SLCO4C1: variants seen among roughly 807,000 people sequenced by gnomAD.
The protein encoded by SLCO4C1 is solute carrier organic anion transporter family member 4C1, also known as organic anion transporter M1.
A neutral mutation model predicts 72.1 loss-of-function variants in SLCO4C1; 58 were observed. The observed-to-expected ratio is 0.80, with a 90% CI of 0.65 to 1.00. The LOEUF is 1.00. Among genes scored for constraint, SLCO4C1 ranks in the 50% least tolerant of loss-of-function variants. The pLI, the probability that SLCO4C1 is intolerant of heterozygous loss-of-function variation, is 0.00. For synonymous variants in SLCO4C1, 297 were observed against 312.5 expected, an observed-to-expected ratio of 0.95 and a Z score of 0.52; for missense variants, 898 against 857.9, an observed-to-expected ratio of 1.05 and a Z score of -0.58.
intron 2 of SLCO4C1, 81 bp downstream of exon 2, chr5:102,291,262 G>A: frequency 1.4e-6 from 2 of 1,425,494 alleles, no homozygotes; most frequent in Admixed American, 2.0e-5. Flanking sequence ...TACTGTGTAA[G>A]TGAATTGCAA....
chr5:102,262,299 T>G (rs1421022690), intron 4 of SLCO4C1, among the ~76,000 whole-genome samples: 1 of 152,198 alleles, frequency 6.6e-6, no homozygotes, highest in Non-Finnish European at 1.5e-5. Context: ...GACAAATATT[T>G]GAAAAGATAT....
chr5:102,236,718 A>G lies in SLCO4C1; in HGVS notation c.*140T>C. The G allele has an allele frequency of 9.9e-7, 1 of 1,007,216 alleles. No individual in the cohort carries two copies. Among genetic ancestry groups the G allele is most frequent in the Non-Finnish European group, 1.4e-6 (1 of 698,166 alleles). 62.4% of individuals were successfully genotyped at this position (1,007,216 alleles called of 1,614,324 possible). A position where few individuals can be genotyped will look rare whatever the true frequency, so the allele number is the denominator to read the frequency against. ...CATAAAACAAAAACTACATAAGTAA[A>G]AAAATACATTTGATTATAAAAACAT... On this transcript the variant is annotated 3_prime_UTR_variant, in exon 13 of 13. Coordinates refer to ENST00000310954, the MANE Select transcript of SLCO4C1 (RefSeq NM_180991.5).
At chr5:102,238,200 C>G (rs1748474263) in intron 12 of SLCO4C1, among the ~76,000 whole-genome samples, 1 of 152,016 alleles carries the variant, frequency 6.6e-6, no homozygotes, top group African/African-American at 2.4e-5. Context: ...GGGGGATTCC[C>G]ATTCATCATT....
chr5:102,281,209 C>A (rs1749350277), intron 2 of SLCO4C1, among the ~76,000 whole-genome samples: 1 of 152,100 alleles, frequency 6.6e-6, no homozygotes, highest in Admixed American at 6.6e-5. Flanking sequence ...GGTTGAAGGA[C>A]AGACTTTTCA....
Position 102,234,119 on chromosome 5 carries a change from A to T in SLCO4C1, c.*2739T>A, listed in dbSNP as rs1176580944. ...ATTTACATAGTAAAGTCAACTGCAT[A>T]CAGTTCTTTCCATGTGTAAGTTTTA... On this transcript the variant is annotated 3_prime_UTR_variant, in exon 13 of 13. Coordinates refer to ENST00000310954, the MANE Select transcript of SLCO4C1 (RefSeq NM_180991.5). 3 of 152,426 alleles carry T rather than the reference A, an allele frequency of 2.0e-5. No individual in the cohort carries two copies. Among genetic ancestry groups the T allele is most frequent in the African/African-American group, 7.2e-5 (3 of 41,476 alleles). The allele number at this position is 152,426 out of a possible 1,614,324, so 9.4% of individuals were successfully genotyped here.
intron 7 of SLCO4C1, 97 bp from the exon 8 acceptor site, chr5:102,257,407 T>C (rs1386532525): frequency 1.1e-6 from 1 of 945,668 alleles, no homozygotes; most frequent in Non-Finnish European, 1.5e-6. Context: ...TCAATATGGT[T>C]TTAACTTATA....
At chr5:102,253,285 C>G (rs1748775151) in intron 8 of SLCO4C1, among the ~76,000 whole-genome samples, 1 of 152,116 alleles carries the variant, frequency 6.6e-6, no homozygotes, top group African/African-American at 2.4e-5. Context: ...TTCATGCAAT[C>G]GAATTTAGTA....
chr5:102,287,786 C>G (rs1222083541), intron 2 of SLCO4C1, among the ~76,000 whole-genome samples: 1 of 151,912 alleles, frequency 6.6e-6, no homozygotes, highest in East Asian at 1.9e-4. Context: ...GAACTCCTGA[C>G]CTTGTGATCC....
In SLCO4C1 at chr5:102,240,718, C is replaced by T. The variant is rs1748523812; in HGVS notation, c.1876G>A (p.Gly626Arg). ...GIQFMVLRLL[G>R]TIPGPIIFGF... ...CAATGAATAAAGAAAAATGGCATAC[C>T]TAATAATCGAAGGACCATAAATTGT... The change falls in exon 11 of 13, where the codon GGG becomes AGG. Residue 626 changes from glycine to arginine, a missense_variant and splice_region_variant. By Grantham distance (125) the Gly-to-Arg change is moderately radical. Coordinates refer to ENST00000310954, the MANE Select transcript of SLCO4C1 (RefSeq NM_180991.5). The T allele has an allele frequency of 1.2e-6, 2 of 1,608,930 alleles. No individual in the cohort carries two copies. Among genetic ancestry groups the T allele is most frequent in the Non-Finnish European group, 1.7e-6 (2 of 1,176,850 alleles).
chr5:102,244,594 T>C (rs1312713543), intron 10 of SLCO4C1, among the ~76,000 whole-genome samples: 1 of 152,104 alleles, frequency 6.6e-6, no homozygotes. Flanking sequence ...AGGCATTTAA[T>C]AATCAAACTC....
chr5:102,257,174 T>C lies in SLCO4C1; in HGVS notation c.1410A>G (p.Val470=). ...CATTTTCACATTTGGCATACATAAA[T>C]ACAAAACTCAGCGTAAGTGCAACTC... ...TSGVALTLSF[V]FMYAKCENEP... The change falls in exon 8 of 13, where the codon GTA becomes GTG. Residue 470 remains valine, a synonymous_variant. Coordinates refer to ENST00000310954, the MANE Select transcript of SLCO4C1 (RefSeq NM_180991.5). 1 of 1,607,622 alleles carries C rather than the reference T, an allele frequency of 6.2e-7. No homozygotes were observed. The highest frequency in any genetic ancestry group is 8.5e-7 in the Non-Finnish European group (1 of 1,177,498).
intron 10 of SLCO4C1, among the ~76,000 whole-genome samples, chr5:102,242,481 T>C (rs4640763): frequency 0.068 from 10,359 of 152,170 alleles, 770 homozygotes; most frequent in African/African-American, 0.18. Context: ...GGGGAGGATT[T>C]TGTCTTGCAT....
intron 2 of SLCO4C1, among the ~76,000 whole-genome samples, chr5:102,285,272 CAT>C (rs1300827998): frequency 2.9e-4 from 44 of 151,164 alleles, no homozygotes; most frequent in Admixed American, 3.9e-4. Flanking sequence ...CACACACACA[CAT>C]ATATATTTTT....
At chr5:102,248,400 A>G (rs1266168729) in intron 9 of SLCO4C1, among the ~76,000 whole-genome samples, 1 of 152,174 alleles carries the variant, frequency 6.6e-6, no homozygotes, top group African/African-American at 2.4e-5. Flanking sequence ...AAAAAATTCT[A>G]GAAGACAACT....
intron 2 of SLCO4C1, among the ~76,000 whole-genome samples, chr5:102,286,852 G>T (rs575738782): frequency 1.3e-5 from 2 of 151,990 alleles, no homozygotes; most frequent in East Asian, 3.9e-4. Flanking sequence ...TGTTCTTAAC[G>T]TTCTTTTGTG....
chr5:102,237,066 T>C, intron 12 of SLCO4C1, 48 bp from the exon 13 acceptor site: 1 of 1,499,196 alleles, frequency 6.7e-7, no homozygotes, highest in East Asian at 2.4e-5. Flanking sequence ...TTAATTATGA[T>C]AAAAATTATC....
In SLCO4C1 at chr5:102,236,914, C is replaced by T. The variant is rs1748446513; in HGVS notation, c.2119G>A (p.Val707Ile). 2 of 1,612,850 alleles carry T rather than the reference C, an allele frequency of 1.2e-6. No individual in the cohort carries two copies. Among genetic ancestry groups the T allele is most frequent in the South Asian group, 2.2e-5 (2 of 90,916 alleles). The change falls in exon 13 of 13, where the codon GTT (valine) becomes ATT (isoleucine). Residue 707 changes from valine to isoleucine, a missense_variant. Val to Ile is a conservative substitution (Grantham distance 29). Transcript: ENST00000310954. ...TGTTCTGCTAAAACATTAGTCACAA[C>T]TGCATTCTCTTTATGAAATGACACA... ...TDVSFHKENAVVTNVLAEQDL... is the reference protein window; with the variant it reads ...TDVSFHKENAIVTNVLAEQDL...
At position 102,249,706 on chromosome 5, in the gene SLCO4C1, C is replaced by T. The variant is rs760088994; in HGVS notation, c.1552G>A (p.Asp518Asn). 20 of 1,613,874 alleles carry T rather than the reference C, an allele frequency of 1.2e-5. No individual in the cohort carries two copies. In the East Asian group the frequency reaches 4.5e-4, roughly 36 times the overall value. The change falls in exon 9 of 13, where the codon GAT becomes AAT. Residue 518 changes from aspartate (D) to asparagine (N), a missense_variant. By Grantham distance (23) the Asp-to-Asn change is conservative. Coordinates refer to ENST00000310954, the MANE Select transcript of SLCO4C1 (RefSeq NM_180991.5). ...SRSYYYPVCG[D>N]GVQYFSPCFA... ...CAGGGAGAAAAATATTGGACTCCAT[C>T]TCCACAGACAGGATAATAATATGAT...
At chr5:102,240,113 G>A (rs1172744953) in intron 11 of SLCO4C1, among the ~76,000 whole-genome samples, 1 of 151,982 alleles carries the variant, frequency 6.6e-6, no homozygotes, top group Non-Finnish European at 1.5e-5. Context: ...GTAACTATGG[G>A]CAAAACCCTG....
Sources: gnomAD v4.1 joint callset for allele counts (sites outside exome capture counted in the v4.1 genomes callset) on GRCh38, gnomAD v4.1.1 for gene constraint, MANE v1.5 for transcripts, NCBI Gene and HGNC (gene_info 2026-07-23, HGNC 2026-07-21) for gene names.